Variants in LTBP1 observed in about 807,000 individuals in gnomAD.
LTBP1 encodes the protein latent transforming growth factor beta binding protein 1, also known as latent-transforming growth factor beta-binding protein 1.
LTBP1 carries 129 observed loss-of-function variants against 207.6 expected under a neutral mutation model. That is an observed-to-expected ratio of 0.62 (90% CI 0.54 to 0.72). LTBP1 has a LOEUF of 0.72. Ranked by LOEUF, LTBP1 falls within the 30% of genes least tolerant of loss-of-function variation. The pLI is 0.00. For synonymous variants in LTBP1, 963 were observed against 833.7 expected (o/e 1.16, Z -2.67); for missense variants, 2,281 against 2,217.2 (o/e 1.03, Z -0.58).
Position 33,387,690 on chromosome 2 carries a change from G to C in LTBP1, c.4712-1494G>C, listed in dbSNP as rs566479711. On this transcript the variant is annotated intron_variant, in intron 31 of 33. Transcript: ENST00000404816. ...CATTCCTCCAGTCATTTAAGTAGGA[G>C]CTGATAAAAGAAAGCCTTCAGGGTT... 1.4e-4 allele frequency among the ~76,000 whole-genome samples: 21 copies of C among 151,732 alleles called. 1 individual carries two copies. The South Asian group carries it at 4.4e-3, about 32-fold the overall frequency.
chr2:33,154,178 A>T (rs1334334854), intron 5 of LTBP1, among the ~76,000 whole-genome samples: 1 of 152,196 alleles, frequency 6.6e-6, no homozygotes, highest in Non-Finnish European at 1.5e-5. Flanking sequence ...GACTCATACC[A>T]AAATTACATT....
At chr2:33,190,197 C>T (rs529467315) in intron 7 of LTBP1, among the ~76,000 whole-genome samples, 1 of 152,318 alleles carries the variant, frequency 6.6e-6, no homozygotes, top group Admixed American at 6.5e-5. Flanking sequence ...GGTTCCTCCA[C>T]TCCATTATGT....
intron 21 of LTBP1, 46 bp downstream of exon 21, chr2:33,300,619 C>T (rs758139358): frequency 4.4e-6 from 7 of 1,579,290 alleles, no homozygotes; most frequent in Non-Finnish European, 6.0e-6. Flanking sequence ...GCTTAAAGCA[C>T]CTGGTCTGAA....
intron 3 of LTBP1, among the ~76,000 whole-genome samples, chr2:33,082,053 T>TTGCCAC (rs2078443034): frequency 6.6e-6 from 1 of 152,196 alleles, no homozygotes; most frequent in Non-Finnish European, 1.5e-5. Context: ...ACTAATACAA[T>TTGCCAC]TGCCACTGCA....
chr2:33,078,890 C>G (rs397642), intron 3 of LTBP1, among the ~76,000 whole-genome samples: 97,511 of 127,652 alleles, frequency 0.76, 38,634 homozygotes, highest in East Asian at 0.98. Flanking sequence ...GACAGAGTCT[C>G]GCTCTGTTGC....
intron 2 of LTBP1, among the ~76,000 whole-genome samples, chr2:32,963,002 G>A (rs2148458833): frequency 6.6e-6 from 1 of 152,240 alleles, no homozygotes; most frequent in South Asian, 2.1e-4. Flanking sequence ...GTGATCACTT[G>A]TGGTGTGATG....
chr2:33,029,561 T>G (rs1162220354), intron 3 of LTBP1, among the ~76,000 whole-genome samples: 1 of 152,180 alleles, frequency 6.6e-6, no homozygotes, highest in African/African-American at 2.4e-5. Flanking sequence ...CTTCCAACTT[T>G]CCAGAATTTT....
intron 20 of LTBP1, among the ~76,000 whole-genome samples, chr2:33,296,247 T>C (rs957279319): frequency 2.0e-5 from 3 of 151,932 alleles, no homozygotes; most frequent in East Asian, 3.9e-4. Context: ...TTCATCTGCT[T>C]GTTGATAAAA....
chr2:33,097,116 A>G (rs2079441655), intron 3 of LTBP1, among the ~76,000 whole-genome samples: 1 of 152,172 alleles, frequency 6.6e-6, no homozygotes, highest in Non-Finnish European at 1.5e-5. Context: ...TTGCCTATAG[A>G]TTCTGTAATC....
intron 5 of LTBP1, among the ~76,000 whole-genome samples, chr2:33,138,898 G>A (rs2198569): frequency 0.034 from 3,756 of 110,162 alleles, 67 homozygotes; most frequent in Middle Eastern, 0.071. Flanking sequence ...TCGCTCTGTC[G>A]CCCAGGCTGG....
intron 15 of LTBP1, among the ~76,000 whole-genome samples, chr2:33,266,911 C>T (rs1355814389): frequency 2.0e-5 from 3 of 152,226 alleles, no homozygotes. Context: ...CATGACCCCC[C>T]CACTCACCAT....
chr2:33,193,355 T>A (rs2088135854), intron 7 of LTBP1, among the ~76,000 whole-genome samples: 1 of 152,184 alleles, frequency 6.6e-6, no homozygotes, highest in South Asian at 2.1e-4. Context: ...TTGCCCAGGC[T>A]GGTTTAGAAC....
intron 3 of LTBP1, among the ~76,000 whole-genome samples, chr2:33,025,469 C>T (rs542604518): frequency 6.6e-5 from 10 of 152,218 alleles, no homozygotes; most frequent in East Asian, 1.9e-4. Context: ...AAGGACGCCT[C>T]GTAGCTTAAA....
At chr2:32,995,469 C>T (rs1685112483) in intron 2 of LTBP1, among the ~76,000 whole-genome samples, 1 of 152,080 alleles carries the variant, frequency 6.6e-6, no homozygotes, top group African/African-American at 2.4e-5. Flanking sequence ...GATTTAATGG[C>T]TCTAGTGATA....
rs1676401110 is a variant in LTBP1, at chr2:32,947,670, G to A, written c.346G>A (p.Gly116Arg). ...GCCTGCGCGTCCCGCGGTCCCCGGCGGGCAGCTCCACCCCAATCCCGGCGG... is the reference window on the plus strand; with the variant it reads ...GCCTGCGCGTCCCGCGGTCCCCGGCAGGCAGCTCCACCCCAATCCCGGCGG... Reference protein sequence around the residue: ...PEPARPAVPGGQLHPNPGGHP... With the variant: ...PEPARPAVPGRQLHPNPGGHP... Residue 116 changes from glycine to arginine, a missense_variant, in exon 1 of 34, where the codon GGG (glycine) becomes AGG (arginine). By Grantham distance (125) the Gly-to-Arg change is moderately radical. Around this residue, in one of 3 missense-constraint regions of LTBP1, gnomAD observed 555 missense variants for 491.0 expected, o/e 1.13. Transcript: ENST00000404816. The A allele has an allele frequency of 2.1e-6, 3 of 1,451,556 alleles. No individual in the cohort carries two copies. Among genetic ancestry groups the A allele is most frequent in the African/African-American group, 1.5e-5 (1 of 67,752 alleles). 89.9% of individuals were successfully genotyped at this position (1,451,556 alleles called of 1,614,324 possible).
intron 7 of LTBP1, among the ~76,000 whole-genome samples, chr2:33,204,727 G>T (rs1264551241): frequency 6.6e-6 from 1 of 152,150 alleles, no homozygotes; most frequent in Non-Finnish European, 1.5e-5. Flanking sequence ...GTATAGGTGT[G>T]TGCCACCATA....
intron 5 of LTBP1, among the ~76,000 whole-genome samples, chr2:33,143,638 G>A (rs1362182571): frequency 6.6e-6 from 1 of 152,172 alleles, no homozygotes; most frequent in Non-Finnish European, 1.5e-5. Context: ...CATGGGCAAA[G>A]TGCAATTAGA....
intron 4 of LTBP1, among the ~76,000 whole-genome samples, chr2:33,117,459 G>A (rs1233431335): frequency 6.6e-6 from 1 of 152,212 alleles, no homozygotes; most frequent in Non-Finnish European, 1.5e-5. Flanking sequence ...ATACCACAAA[G>A]AGGTTACCCG....
intron 3 of LTBP1, among the ~76,000 whole-genome samples, chr2:33,082,658 C>T (rs2078511530): frequency 6.6e-6 from 1 of 151,942 alleles, no homozygotes; most frequent in South Asian, 2.1e-4. Context: ...ATCTCCTGAC[C>T]TCGTGATCCG....
Sources: gnomAD v4.1 joint callset for allele counts (sites outside exome capture counted in the v4.1 genomes callset) on GRCh38, gnomAD v4.1.1 for gene constraint, gnomAD v4.1.1 regional missense constraint, MANE v1.5 for transcripts, NCBI Gene and HGNC (gene_info 2026-07-23, HGNC 2026-07-21) for gene names.